The following HS3ST5 variants were observed in gnomAD, a reference collection of about 807,000 sequenced individuals.
HS3ST5 encodes heparan sulfate glucosamine 3-O-sulfotransferase 5.
In HS3ST5, 10 loss-of-function variants were observed where a neutral mutation model predicts 25.4. The ratio of observed to expected loss-of-function variants is 0.39; its 90% CI spans 0.24 to 0.67. The LOEUF (loss-of-function observed/expected upper bound fraction) is 0.67, where lower values mean the gene tolerates loss of function less well. Among genes scored for constraint, HS3ST5 ranks in the 30% least tolerant of loss-of-function variants. The pLI, the probability that HS3ST5 is intolerant of heterozygous loss-of-function variation, is 0.44. For missense variants in HS3ST5, 324 were observed against 420.7 expected (o/e 0.77, Z 2.01); for synonymous variants, 170 against 162.4 (o/e 1.05, Z -0.36).
intron 1 of HS3ST5, among the ~76,000 whole-genome samples, chr6:114,249,764 A>T (rs1430179394): frequency 6.6e-6 from 1 of 152,176 alleles, no homozygotes; most frequent in Non-Finnish European, 1.5e-5. Flanking sequence ...TGACAGTGTT[A>T]CAGATGAGCC....
chr6:114,307,468 TGTTGTATTGCAATTTCATA>T (rs1381955544), intron 1 of HS3ST5, among the ~76,000 whole-genome samples: 1 of 152,072 alleles, frequency 6.6e-6, no homozygotes, highest in East Asian at 1.9e-4. Flanking sequence ...AGAATTTTAT[TGTTGTATTGCAATTTCATA>T]TAGAAACTAG....
At position 114,158,721 on chromosome 6, in the gene HS3ST5, C is replaced by T. The variant is rs1778810744; in HGVS notation, c.-33+9630G>A. ...CTTTGCAAAATACCATGCATACACA[C>T]AATTCCTGCTCTGCTCCAGTGAGAA... is the stretch of plus-strand genomic sequence containing the variant. On this transcript the variant is annotated intron_variant, in intron 3 of 4. Coordinates refer to ENST00000312719, the MANE Select transcript of HS3ST5 (RefSeq NM_153612.4). Among the ~76,000 whole-genome samples the T allele has an allele frequency of 2.0e-5, 3 of 152,320 alleles. No homozygotes were observed. In the Middle Eastern group the frequency reaches 0.01, roughly 518 times the overall value.
intron 1 of HS3ST5, among the ~76,000 whole-genome samples, chr6:114,242,697 C>CA (rs1279368396): frequency 1.3e-5 from 2 of 151,700 alleles, no homozygotes; most frequent in Non-Finnish European, 2.9e-5. Context: ...ACTAAAAATA[C>CA]AAAAAATTAG....
chr6:114,256,131 G>A (rs1336268794), intron 1 of HS3ST5, among the ~76,000 whole-genome samples: 1 of 152,122 alleles, frequency 6.6e-6, no homozygotes, highest in Non-Finnish European at 1.5e-5. Flanking sequence ...GCTCACGCCT[G>A]TAATCCCAGC....
At chr6:114,191,511 A>T (rs1042014999) in intron 2 of HS3ST5, among the ~76,000 whole-genome samples, 1 of 152,216 alleles carries the variant, frequency 6.6e-6, no homozygotes, top group Non-Finnish European at 1.5e-5. Context: ...ATCAAATTCT[A>T]TGAGAAGCAG....
chr6:114,318,735 A>AGTAAAT (rs1336688624), intron 1 of HS3ST5, among the ~76,000 whole-genome samples: 1 of 152,160 alleles, frequency 6.6e-6, no homozygotes, highest in Non-Finnish European at 1.5e-5. Context: ...ACTACCTACA[A>AGTAAAT]GATCATGGGC....
intron 1 of HS3ST5, among the ~76,000 whole-genome samples, chr6:114,311,833 G>A (rs995004405): frequency 3.9e-5 from 6 of 152,030 alleles, no homozygotes; most frequent in Admixed American, 3.9e-4. Flanking sequence ...GTGAGCCACC[G>A]TGCCCAGCTG....
intron 3 of HS3ST5, among the ~76,000 whole-genome samples, chr6:114,163,755 C>T (rs1214990834): frequency 2.6e-5 from 4 of 152,158 alleles, no homozygotes; most frequent in Non-Finnish European, 5.9e-5. Context: ...GCTACTATTA[C>T]TTAACTAATT....
At chr6:114,251,348 C>T (rs1016035402) in intron 1 of HS3ST5, among the ~76,000 whole-genome samples, 4 of 152,094 alleles carry the variant, frequency 2.6e-5, no homozygotes, top group African/African-American at 9.7e-5. Context: ...GATGCATATC[C>T]CCTCAAATCC....
At chr6:114,170,757 C>T (rs1160805884) in intron 2 of HS3ST5, among the ~76,000 whole-genome samples, 1 of 152,088 alleles carries the variant, frequency 6.6e-6, no homozygotes, top group African/African-American at 2.4e-5. Context: ...GATGATAAAT[C>T]TCAAGTTACC....
intron 1 of HS3ST5, among the ~76,000 whole-genome samples, chr6:114,262,656 T>G (rs879590914): frequency 4.0e-5 from 6 of 151,258 alleles, no homozygotes; most frequent in African/African-American, 1.2e-4. Context: ...GCAAATATAT[T>G]TATTTTTTTC....
chr6:114,231,998 G>T (rs1177597894), intron 1 of HS3ST5, among the ~76,000 whole-genome samples: 4 of 152,128 alleles, frequency 2.6e-5, no homozygotes, highest in African/African-American at 9.7e-5. Context: ...AGTTATATGT[G>T]AATCTAGGGA....
chr6:114,069,593 G>A lies in HS3ST5; in HGVS notation c.-32-6716C>T, dbSNP rs139965026. On this transcript the variant is annotated intron_variant, in intron 3 of 4. Transcript: ENST00000312719. ...GATTGCAGTGGCACGATCTTGGCTC[G>A]CTGCAACCTCTGCCTTCCGGGTTCA... 2.6e-3 allele frequency among the ~76,000 whole-genome samples: 391 copies of A among 148,226 alleles called. 2 individuals are homozygous for A. The highest frequency in any genetic ancestry group is 8.6e-3 in the East Asian group (43 of 4,984).
chr6:114,161,847 G>T (rs1001613930), intron 3 of HS3ST5, among the ~76,000 whole-genome samples: 2 of 151,188 alleles, frequency 1.3e-5, no homozygotes, highest in Non-Finnish European at 2.9e-5. Context: ...TGAAGACAAT[G>T]GAATTATTCC....
At chr6:114,205,573 T>C (rs763378660) in intron 2 of HS3ST5, among the ~76,000 whole-genome samples, 4 of 152,318 alleles carry the variant, frequency 2.6e-5, no homozygotes, top group Middle Eastern at 6.8e-3. Flanking sequence ...TGGTCATTGA[T>C]GATTTAACTC....
At chr6:114,185,324 TA>T (rs1250128976) in intron 2 of HS3ST5, among the ~76,000 whole-genome samples, 3 of 152,078 alleles carry the variant, frequency 2.0e-5, no homozygotes, top group Non-Finnish European at 4.4e-5. Context: ...AGTACCCTCA[TA>T]AAAATTCCCC....
intron 2 of HS3ST5, among the ~76,000 whole-genome samples, chr6:114,199,903 T>C (rs1381138248): frequency 6.6e-6 from 1 of 152,204 alleles, no homozygotes; most frequent in Non-Finnish European, 1.5e-5. Context: ...TTTGCAAAGC[T>C]ACCTCCTGTT....
At chr6:114,165,496 C>A (rs1416530563) in intron 3 of HS3ST5, among the ~76,000 whole-genome samples, 3 of 152,100 alleles carry the variant, frequency 2.0e-5, no homozygotes, top group Non-Finnish European at 4.4e-5. Context: ...TTATATTTAC[C>A]AAACTCACAA....
At chr6:114,314,263 A>G (rs1297870144) in intron 1 of HS3ST5, among the ~76,000 whole-genome samples, 1 of 152,170 alleles carries the variant, frequency 6.6e-6, no homozygotes, top group Non-Finnish European at 1.5e-5. Context: ...GTCTGGAGTG[A>G]TGTCTCAGGA....
Sources: allele counts gnomAD v4.1 joint callset (sites outside exome capture counted in the v4.1 genomes callset), GRCh38; gene constraint gnomAD v4.1.1; transcripts MANE v1.5; gene names NCBI Gene and HGNC (gene_info 2026-07-23, HGNC 2026-07-21).